Variants in SUMF1 observed in about 807,000 individuals in gnomAD.
SUMF1 encodes sulfatase modifying factor 1.
SUMF1 carries 48 observed loss-of-function variants against 47.6 expected under a neutral mutation model. The ratio of observed to expected loss-of-function variants is 1.01; its 90% confidence interval spans 0.80 to 1.28. The LOEUF is 1.28. Ranked by LOEUF, SUMF1 falls within the 50% of genes most tolerant of loss-of-function variation. The pLI, the probability that SUMF1 is intolerant of heterozygous loss-of-function variation, is 0.00. For missense variants in SUMF1, 571 were observed against 485.4 expected (o/e 1.18, Z -1.66); for synonymous variants, 230 against 192.1 (o/e 1.20, Z -1.63).
At chr3:4,381,820 A>C (rs1700513060) in intron 7 of SUMF1, among the ~76,000 whole-genome samples, 1 of 152,144 alleles carries the variant, frequency 6.6e-6, no homozygotes, top group South Asian at 2.1e-4. Context: ...CAGTATGGGA[A>C]GATTGCTTGA....
intron 8 of SUMF1, among the ~76,000 whole-genome samples, chr3:4,227,849 A>G (rs1696208135): frequency 6.6e-6 from 1 of 152,122 alleles, no homozygotes; most frequent in East Asian, 1.9e-4. Context: ...GAGCCAACAC[A>G]TTCCTTTTTC....
chr3:4,115,707 C>T (rs1347126280), intron 8 of SUMF1, among the ~76,000 whole-genome samples: 1 of 152,128 alleles, frequency 6.6e-6, no homozygotes, highest in Non-Finnish European at 1.5e-5. Flanking sequence ...GCTAATTTTT[C>T]ATCTTTTTAA....
chr3:4,161,498 G>A (rs971809962), intron 8 of SUMF1, among the ~76,000 whole-genome samples: 1 of 152,054 alleles, frequency 6.6e-6, no homozygotes, highest in East Asian at 1.9e-4. Flanking sequence ...CAACTGAGTT[G>A]GCACACAAAT....
At chr3:4,363,652 A>G (rs1231205826) in intron 8 of SUMF1, among the ~76,000 whole-genome samples, 6 of 150,652 alleles carry the variant, frequency 4.0e-5, no homozygotes, top group Non-Finnish European at 7.4e-5. Context: ...CTAGATATAC[A>G]ATCATGTCAT....
intron 8 of SUMF1, among the ~76,000 whole-genome samples, chr3:4,295,374 T>G (rs1315048606): frequency 1.3e-5 from 2 of 151,734 alleles, no homozygotes; most frequent in East Asian, 3.9e-4. Flanking sequence ...TTTTGGTAGA[T>G]TGCTCTAAAA....
chr3:4,306,412 A>G (rs1349598203), intron 8 of SUMF1, among the ~76,000 whole-genome samples: 1 of 152,174 alleles, frequency 6.6e-6, no homozygotes, highest in Non-Finnish European at 1.5e-5. Flanking sequence ...AAGGGGAGAA[A>G]GGAGTGACAA....
chr3:4,225,983 C>G (rs1696163418), intron 8 of SUMF1, among the ~76,000 whole-genome samples: 1 of 152,026 alleles, frequency 6.6e-6, no homozygotes, highest in East Asian at 1.9e-4. Context: ...GGAGCAGAAA[C>G]AGAATAGGAG....
chr3:4,179,769 G>C (rs150766661), intron 8 of SUMF1, among the ~76,000 whole-genome samples: 4 of 152,176 alleles, frequency 2.6e-5, no homozygotes, highest in African/African-American at 9.6e-5. Flanking sequence ...CTACAGAATG[G>C]GAGAAAATTT....
chr3:4,263,053 T>G (rs1395015848), intron 8 of SUMF1, among the ~76,000 whole-genome samples: 1 of 152,150 alleles, frequency 6.6e-6, no homozygotes, highest in East Asian at 1.9e-4. Flanking sequence ...TCTTTATTTT[T>G]TAAATGGGGG....
chr3:4,121,258 A>G (rs1693534034), intron 8 of SUMF1, among the ~76,000 whole-genome samples: 1 of 152,170 alleles, frequency 6.6e-6, no homozygotes, highest in Non-Finnish European at 1.5e-5. Flanking sequence ...TTTTAACAAT[A>G]AAACAACTGA....
intron 8 of SUMF1, among the ~76,000 whole-genome samples, chr3:4,161,365 G>T (rs1225264767): frequency 6.6e-6 from 1 of 152,134 alleles, no homozygotes; most frequent in African/African-American, 2.4e-5. Flanking sequence ...AAGCCAGCAA[G>T]GCTTGTGTCC....
At chr3:4,372,144 C>A (rs1345226875) in intron 8 of SUMF1, among the ~76,000 whole-genome samples, 1 of 152,084 alleles carries the variant, frequency 6.6e-6, no homozygotes, top group Non-Finnish European at 1.5e-5. Flanking sequence ...CCCATCTCTA[C>A]ACAAAAATTA....
At chr3:4,464,845 C>T (rs1267595769) in intron 1 of SUMF1, among the ~76,000 whole-genome samples, 1 of 152,212 alleles carries the variant, frequency 6.6e-6, no homozygotes, top group Non-Finnish European at 1.5e-5. Flanking sequence ...ATATTCTCAT[C>T]AACCACTAAT....
chr3:4,127,145 A>T (rs1197735732), intron 8 of SUMF1, among the ~76,000 whole-genome samples: 1 of 152,218 alleles, frequency 6.6e-6, no homozygotes, highest in Non-Finnish European at 1.5e-5. Context: ...GCCCACAGTG[A>T]TGTTCAAACA....
chr3:4,299,408 G>A (rs561638348), intron 8 of SUMF1, among the ~76,000 whole-genome samples: 1 of 152,322 alleles, frequency 6.6e-6, no homozygotes, highest in Non-Finnish European at 1.5e-5. Context: ...TGTGGCCAGT[G>A]ACAGTCCTGT....
intron 8 of SUMF1, among the ~76,000 whole-genome samples, chr3:4,284,391 T>A (rs1697588014): frequency 7.0e-6 from 1 of 142,916 alleles, no homozygotes; most frequent in Non-Finnish European, 1.5e-5. Context: ...CCAGCCTGGA[T>A]GACAAAATGA....
chr3:4,173,009 C>T (rs1694868505), intron 8 of SUMF1, among the ~76,000 whole-genome samples: 1 of 152,058 alleles, frequency 6.6e-6, no homozygotes. Flanking sequence ...GTCTTTAATC[C>T]ATCTTGAGTT....
intron 8 of SUMF1, among the ~76,000 whole-genome samples, chr3:4,176,112 C>A (rs1489112850): frequency 2.0e-5 from 3 of 152,180 alleles, no homozygotes; most frequent in African/African-American, 7.2e-5. Flanking sequence ...GGAAAACACT[C>A]TTCAGGATAT....
At chr3:4,064,958 C>T (rs962383580) in intron 9 of SUMF1, among the ~76,000 whole-genome samples, 1 of 152,102 alleles carries the variant, frequency 6.6e-6, no homozygotes, top group South Asian at 2.1e-4. Flanking sequence ...AATGGAAGCA[C>T]AGAGGAAGAA....
Sources: gnomAD v4.1 joint callset for allele counts (sites outside exome capture counted in the v4.1 genomes callset) on GRCh38, gnomAD v4.1.1 for gene constraint, MANE v1.5 for transcripts, NCBI Gene and HGNC (gene_info 2026-07-23, HGNC 2026-07-21) for gene names.